The following CDC73 variants were observed in gnomAD, a reference collection of about 807,000 sequenced individuals.
CDC73 encodes the protein cell division cycle 73.
In CDC73, 21 loss-of-function variants were observed where a neutral mutation model predicts 83.7. That is an observed-to-expected ratio of 0.25 (90% confidence interval 0.18 to 0.36). The LOEUF (loss-of-function observed/expected upper bound fraction) is 0.36, where lower values mean the gene tolerates loss of function less well. CDC73 is among the 10% of genes least tolerant of loss of function. CDC73 has a pLI of 1.00. For synonymous variants in CDC73, 224 were observed against 212.9 expected, an observed-to-expected ratio of 1.05 and a Z score of -0.45; for missense variants, 342 against 653.3, an observed-to-expected ratio of 0.52 and a Z score of 5.19.
At chr1:193,146,474 GAAGCAAGCAAGCAAGCAAGC>G (rs201981048) in intron 7 of CDC73, among the ~76,000 whole-genome samples, 11 of 150,932 alleles carry the variant, frequency 7.3e-5, no homozygotes, top group East Asian at 1.9e-4. Context: ...GCAGAAGGCA[GAAGCAAGCAAGCAAGCAAGC>G]AAGCAAGCAA....
At chr1:193,208,832 G>A (rs931661707) in intron 11 of CDC73, among the ~76,000 whole-genome samples, 5 of 151,932 alleles carry the variant, frequency 3.3e-5, no homozygotes, top group Non-Finnish European at 7.4e-5. Context: ...CCCGCCTATG[G>A]TATTTGCCCG....
chr1:193,199,992 C>T (rs1677061670), intron 10 of CDC73, among the ~76,000 whole-genome samples: 2 of 151,306 alleles, frequency 1.3e-5, no homozygotes, highest in Admixed American at 1.3e-4. Flanking sequence ...ACCTGTAATC[C>T]TAGCACTTTG....
Position 193,180,169 on chromosome 1 carries a change from T to G in CDC73, c.973-23626T>G, listed in dbSNP as rs968835965. 7.2e-6 allele frequency: 6 copies of G among 828,184 alleles called. No homozygotes were observed. The African/African-American group carries it at 8.9e-5, about 12-fold the overall frequency. 51.3% of individuals were successfully genotyped at this position (828,184 alleles called of 1,614,324 possible). A position where few individuals can be genotyped will look rare whatever the true frequency, so the allele number is the denominator to read the frequency against. ...TTAACTTCTTCAGAAATTAAAAAAATACTTCTTGAATTTCTTTATGTGATG... is the reference window on the plus strand; with the variant it reads ...TTAACTTCTTCAGAAATTAAAAAAAGACTTCTTGAATTTCTTTATGTGATG... On this transcript the variant is annotated intron_variant, in intron 10 of 16. Transcript: ENST00000367435.
At position 193,141,975 on chromosome 1, in the gene CDC73, TTG is replaced by T; in HGVS notation, c.641_642del (p.Val214GlyfsTer3). ...ATAACTGCCCTTAAACAGAGGAGTT[TTG>T]TGGATGCTGAGGTAGATGTGACCCG... On this transcript the variant is annotated frameshift_variant, in exon 7 of 17. Coordinates refer to ENST00000367435, the MANE Select transcript of CDC73 (RefSeq NM_024529.5). LOFTEE classifies it high-confidence loss of function. 1 of 1,613,782 alleles carries T rather than the reference TTG, an allele frequency of 6.2e-7. No individual in the cohort carries two copies. The highest frequency in any genetic ancestry group is 1.1e-5 in the South Asian group (1 of 91,066).
chr1:193,221,836 C>G (rs1410591334), intron 13 of CDC73, among the ~76,000 whole-genome samples: 1 of 151,892 alleles, frequency 6.6e-6, no homozygotes, highest in Non-Finnish European at 1.5e-5. Context: ...ACTGACATCT[C>G]CCCTACAGTT....
intron 2 of CDC73, among the ~76,000 whole-genome samples, chr1:193,129,363 C>T (rs1675648833): frequency 6.6e-6 from 1 of 151,222 alleles, no homozygotes; most frequent in African/African-American, 2.4e-5. Flanking sequence ...AACTCATGAC[C>T]TCAAGGGATG....
rs114002499 is a variant in CDC73 at position 193,222,233 on chromosome 1, C to T, written c.1154+9756C>T. On this transcript the variant is annotated intron_variant, in intron 13 of 16. Coordinates refer to ENST00000367435, the MANE Select transcript of CDC73 (RefSeq NM_024529.5). ...GGCCATGTTGGCAGCCACATGGGGC[C>T]GAGTTCCAAAGAGGAAAGATTGTGC... is the stretch of plus-strand genomic sequence containing the variant. 9.5e-3 allele frequency among the ~76,000 whole-genome samples: 1,446 copies of T among 152,148 alleles called. 15 individuals are homozygous for T. The highest frequency in any genetic ancestry group is 0.034 in the South Asian group (164 of 4,816).
At chr1:193,187,591 G>T (rs1057191517) in intron 10 of CDC73, among the ~76,000 whole-genome samples, 2 of 151,934 alleles carry the variant, frequency 1.3e-5, no homozygotes, top group African/African-American at 4.8e-5. Flanking sequence ...GTGACTCTAG[G>T]GACAGTAATT....
chr1:193,221,870 T>C (rs1677476557), intron 13 of CDC73, among the ~76,000 whole-genome samples: 1 of 152,192 alleles, frequency 6.6e-6, no homozygotes, highest in Non-Finnish European at 1.5e-5. Flanking sequence ...GGCTTTGCTA[T>C]GTAATTAATG....
At chr1:193,236,106 A>G (rs1677752911) in intron 14 of CDC73, 150 bp from the exon 15 acceptor site, 1 of 730,052 alleles carries the variant, frequency 1.4e-6, no homozygotes, top group Non-Finnish European at 2.5e-6. Flanking sequence ...GGTGGTAAGT[A>G]CTGTATTTGC....
chr1:193,122,263 G>T lies in CDC73; in HGVS notation c.63G>T (p.Lys21Asn), dbSNP rs1456354852. 1 of 1,614,048 alleles carries T rather than the reference G, an allele frequency of 6.2e-7. No homozygotes were observed. Among genetic ancestry groups the T allele is most frequent in the Non-Finnish European group, 8.5e-7 (1 of 1,180,000 alleles). The change falls in exon 1 of 17, where the codon AAG becomes AAT. Residue 21 changes from lysine (K) to asparagine (N), a missense_variant. Around this residue, in one of 3 missense-constraint regions of CDC73, gnomAD observed 99 missense variants for 174.5 expected, o/e 0.57. Coordinates refer to ENST00000367435, the MANE Select transcript of CDC73 (RefSeq NM_024529.5). ...YNIQKKEIVV[K>N]GDEVIFGEFS... Reference sequence around the variant, plus strand: ...TCCAGAAGAAGGAGATTGTGGTGAAGGGAGACGAAGTGATCTTCGGGGAGT... The same window carrying T: ...TCCAGAAGAAGGAGATTGTGGTGAATGGAGACGAAGTGATCTTCGGGGAGT...
At position 193,200,591 on chromosome 1, in the gene CDC73, G is replaced by A. The variant is rs914824446; in HGVS notation, c.973-3204G>A. ...GCTTCTGACTTTTCAAGAGAAAGCA[G>A]GTTTTCCTCTCCACTTAGCACAACT... On this transcript the variant is annotated intron_variant, in intron 10 of 16. Coordinates refer to ENST00000367435, the MANE Select transcript of CDC73 (RefSeq NM_024529.5). Among the ~76,000 whole-genome samples, 3 of 152,238 alleles carry A rather than the reference G, an allele frequency of 2.0e-5. No individual in the cohort carries two copies. In the South Asian group the frequency reaches 6.2e-4, roughly 32 times the overall value.
At chr1:193,206,513 CA>C (rs1243800514) in intron 11 of CDC73, among the ~76,000 whole-genome samples, 3 of 152,072 alleles carry the variant, frequency 2.0e-5, no homozygotes, top group Non-Finnish European at 1.5e-5. Context: ...ATTTTGCTGC[CA>C]AAACTGTTAA....
At chr1:193,165,355 A>G (rs1221895683) in intron 10 of CDC73, among the ~76,000 whole-genome samples, 1 of 152,246 alleles carries the variant, frequency 6.6e-6, no homozygotes, top group South Asian at 2.1e-4. Context: ...CAATATGAGT[A>G]AAAAATCAAA....
chr1:193,122,061 G>A lies in CDC73; in HGVS notation c.-140G>A, dbSNP rs745479437. 5.2e-6 allele frequency: 4 copies of A among 764,118 alleles called. No homozygotes were observed. The highest frequency in any genetic ancestry group is 8.9e-6 in the Non-Finnish European group (4 of 450,534). The allele number at this position is 764,118 out of a possible 1,614,324, so 47.3% of individuals were successfully genotyped here. A position where few individuals can be genotyped will look rare whatever the true frequency, so the allele number is the denominator to read the frequency against. On this transcript the variant is annotated 5_prime_UTR_variant, in exon 1 of 17. Coordinates refer to ENST00000367435, the MANE Select transcript of CDC73 (RefSeq NM_024529.5). ...TGCCCCTGCTGCTGTCGTAGGCGAG[G>A]ACGGCTGTTAGTGCTGCTGCTGTTG...
chr1:193,132,440 A>G (rs2103119499), intron 3 of CDC73, among the ~76,000 whole-genome samples: 1 of 152,304 alleles, frequency 6.6e-6, no homozygotes, highest in African/African-American at 2.4e-5. Context: ...AGGGAGTCTC[A>G]ATTCTGTGAA....
chr1:193,130,158 A>C lies in CDC73; in HGVS notation c.238-16A>C, dbSNP rs1440236127. On this transcript the variant is annotated splice_polypyrimidine_tract_variant and intron_variant, in intron 2 of 16. Transcript: ENST00000367435. ...TTGTTATTCATTTCATATCTCATTT[A>C]AAATTTTGGTTTTAGACTGAAAATA... is the stretch of plus-strand genomic sequence containing the variant. The C allele has an allele frequency of 1.5e-6, 2 of 1,308,578 alleles. No individual in the cohort carries two copies. Among genetic ancestry groups the C allele is most frequent in the Admixed American group, 3.4e-5 (2 of 59,598 alleles). 81.1% of individuals were successfully genotyped at this position (1,308,578 alleles called of 1,614,324 possible). A position where few individuals can be genotyped will look rare whatever the true frequency, so the allele number is the denominator to read the frequency against.
rs151175380 is a variant in CDC73 at position 193,225,565 on chromosome 1, A to G, written c.1155-7428A>G. ...CCCTTTTCACTTCATCAATGCCAACATCTATTGTTTTTTGATTTTTTGACT... is the reference window on the plus strand; with the variant it reads ...CCCTTTTCACTTCATCAATGCCAACGTCTATTGTTTTTTGATTTTTTGACT... On this transcript the variant is annotated intron_variant, in intron 13 of 16. Coordinates refer to ENST00000367435, the MANE Select transcript of CDC73 (RefSeq NM_024529.5). Among the ~76,000 whole-genome samples, 465 of 152,158 alleles carry G rather than the reference A, an allele frequency of 3.1e-3. 2 individuals carry two copies. The highest frequency in any genetic ancestry group is 9.9e-3 in the African/African-American group (411 of 41,526).
At position 193,253,706 on chromosome 1, in the gene CDC73, AAAG is replaced by A. The variant is rs1249431396; in HGVS notation, c.*2998_*3000del. The A allele has an allele frequency of 1.3e-5, 3 of 231,668 alleles. No individual in the cohort carries two copies. Among genetic ancestry groups the A allele is most frequent in the African/African-American group, 6.6e-5 (3 of 45,292 alleles). The allele number at this position is 231,668 out of a possible 1,614,324, so 14.4% of individuals were successfully genotyped here. Reference sequence around the variant, plus strand: ...GAAAATCTCATAATTTTTAAGGCAGAAAGAAGTATTAATTTTTGATCTGCCATG... The same window carrying A: ...GAAAATCTCATAATTTTTAAGGCAGAAAGTATTAATTTTTGATCTGCCATG... On this transcript the variant is annotated 3_prime_UTR_variant, in exon 17 of 17. Coordinates refer to ENST00000367435, the MANE Select transcript of CDC73 (RefSeq NM_024529.5).
Sources: allele counts gnomAD v4.1 joint callset (sites outside exome capture counted in the v4.1 genomes callset), GRCh38; gene constraint gnomAD v4.1.1; regional missense constraint gnomAD v4.1.1; transcripts MANE v1.5; gene names NCBI Gene and HGNC (gene_info 2026-07-23, HGNC 2026-07-21).